The following ZNF878 variants were observed in gnomAD, a reference collection of about 807,000 sequenced individuals.
ZNF878 encodes the protein zinc finger protein 878.
ZNF878 carries 10 observed loss-of-function variants against 11.1 expected under a neutral mutation model. That is an observed-to-expected ratio of 0.90 (90% CI 0.56 to 1.53). The LOEUF (loss-of-function observed/expected upper bound fraction) is 1.53. Ranked by LOEUF, ZNF878 falls within the 40% of genes most tolerant of loss-of-function variation. The pLI, the probability that ZNF878 is intolerant of heterozygous loss-of-function variation, is 0.00. For synonymous variants in ZNF878, 165 were observed against 209.7 expected, an observed-to-expected ratio of 0.79 and a Z score of 1.84; for missense variants, 548 against 626.1, an observed-to-expected ratio of 0.88 and a Z score of 1.33.
intron 1 of ZNF878, among the ~76,000 whole-genome samples, chr19:12,047,250 G>A (rs780560005): frequency 2.0e-5 from 3 of 152,122 alleles, no homozygotes; most frequent in Non-Finnish European, 2.9e-5. Context: ...TTTGGCAAGG[G>A]GCTTTATTAA....
rs371193446 is a variant in ZNF878, at chr19:12,047,568, A to G, written c.4-808T>C. ...GACAGAGCCAGACTCCATCGGTTAA[A>G]AAAAAAAAAAAATTCTAATTGATAA... On this transcript the variant is annotated intron_variant, in intron 1 of 3. Transcript: ENST00000547628. 8.7e-4 allele frequency among the ~76,000 whole-genome samples: 132 copies of G among 151,806 alleles called. 3 individuals carry two copies. In the South Asian group the frequency reaches 0.011, roughly 13 times the overall value.
Position 12,052,923 on chromosome 19 carries a change from A to G in ZNF878, c.-122T>C, listed in dbSNP as rs994426127. ...GTAACTGGTCCCTCTCGGAGCAAGA[A>G]AGCCCCAGACCTTAACTAGCGCGAG... On this transcript the variant is annotated 5_prime_UTR_variant, in exon 1 of 4. Coordinates refer to ENST00000547628, the MANE Select transcript of ZNF878 (RefSeq NM_001080404.3). The G allele has an allele frequency of 2.1e-6, 3 of 1,439,370 alleles. No homozygotes were observed. Among genetic ancestry groups the G allele is most frequent in the Non-Finnish European group, 2.8e-6 (3 of 1,066,138 alleles). The allele number at this position is 1,439,370 out of a possible 1,614,324, so 89.2% of individuals were successfully genotyped here.
At chr19:12,048,503 A>ACGAGACT (rs1975517481) in intron 1 of ZNF878, among the ~76,000 whole-genome samples, 1 of 148,446 alleles carries the variant, frequency 6.7e-6, no homozygotes, top group South Asian at 2.2e-4. Context: ...GGGCGACTGA[A>ACGAGACT]CGAGACTCCA....
Position 12,044,034 on chromosome 19 carries a change from C to CA in ZNF878, c.1366dup (p.Cys456LeufsTer9), listed in dbSNP as rs1191947795. 3.7e-6 allele frequency: 6 copies of CA among 1,613,854 alleles called. No homozygotes were observed. The highest frequency in any genetic ancestry group is 5.1e-6 in the Non-Finnish European group (6 of 1,179,996). ...ATTAGAAGAAATGAAGGCTTTTCCA[C>CA]ATTGCTTACACTCATAGGGTTTCTC... On this transcript the variant is annotated frameshift_variant, in exon 4 of 4. Transcript: ENST00000547628. LOFTEE classifies it low-confidence loss of function (END_TRUNC).
intron 1 of ZNF878, among the ~76,000 whole-genome samples, chr19:12,052,531 C>A (rs1169966270): frequency 1.3e-5 from 2 of 152,190 alleles, no homozygotes; most frequent in African/African-American, 4.8e-5. Flanking sequence ...TGGGGAGACG[C>A]GGGGCTGCGG....
At chr19:12,043,732 GA>G (rs1975417989), downstream of ZNF878, 3 of 1,397,330 alleles carry the variant, frequency 2.1e-6, no homozygotes, top group Admixed American at 8.0e-5. Context: ...TCTCTGCAGT[GA>G]ATCCTTCCGT....
intron 1 of ZNF878, among the ~76,000 whole-genome samples, chr19:12,051,596 A>AC (rs1975552641): frequency 6.9e-6 from 1 of 145,400 alleles, no homozygotes; most frequent in Non-Finnish European, 1.5e-5. Flanking sequence ...ATATCATGAA[A>AC]CCCCGTCTCT....
In ZNF878 at chr19:12,044,133, T is replaced by C. The variant is rs780561350; in HGVS notation, c.1268A>G (p.Tyr423Cys). The change falls in exon 4 of 4, where the codon TAT becomes TGT. Residue 423 changes from tyrosine (Y) to cysteine (C), a missense_variant. Tyr to Cys is a radical substitution (Grantham distance 194). Coordinates refer to ENST00000547628, the MANE Select transcript of ZNF878 (RefSeq NM_001080404.3). ...HIRTHTGEKP[Y>C]GCKQCGKVFR... is the part of the protein sequence containing the mutation. The stretch of plus-strand genomic sequence containing the variant: ...GACTTTACCACATTGCTTACATCCA[T>C]AGGGTTTCTCTCCTGTGTGAGTTCG... 45 of 1,613,714 alleles carry C rather than the reference T, an allele frequency of 2.8e-5. No individual in the cohort carries two copies. Among genetic ancestry groups the C allele is most frequent in the Non-Finnish European group, 3.6e-5 (42 of 1,179,950 alleles).
Position 12,044,342 on chromosome 19 carries a change from A to G in ZNF878, c.1059T>C (p.Asp353=). ...KCVKAFSFVK[D]LRIHERTHTG... The stretch of plus-strand genomic sequence containing the variant: ...TGTGTGTCCTTTCATGTATTCGAAG[A>G]TCCTTGACAAAACTGAAGGCTTTCA... The change falls in exon 4 of 4, where the codon GAT becomes GAC. Residue 353 remains aspartate (D), a synonymous_variant. Coordinates refer to ENST00000547628, the MANE Select transcript of ZNF878 (RefSeq NM_001080404.3). 6.2e-7 allele frequency: 1 copy of G among 1,611,778 alleles called. No individual in the cohort carries two copies. Among genetic ancestry groups the G allele is most frequent in the South Asian group, 1.1e-5 (1 of 90,996 alleles).
downstream of ZNF878, chr19:12,043,779 C>T: frequency 1.3e-6 from 2 of 1,554,076 alleles, no homozygotes; most frequent in Admixed American, 2.0e-5. Context: ...AAGGACTTTA[C>T]CATATTGCTT....
In ZNF878 at chr19:12,045,147, G is replaced by A; in HGVS notation, c.254C>T (p.Thr85Ile). 1 of 1,612,860 alleles carries A rather than the reference G, an allele frequency of 6.2e-7. No homozygotes were observed. Among genetic ancestry groups the A allele is most frequent in the Non-Finnish European group, 8.5e-7 (1 of 1,179,372 alleles). ...CTTCAGTGTGTCATCTGGAACCTGT[G>A]TCAAAACTTCTCCATGCTGATGACT... ...KESHQHGEVL[T>I]QVPDDTLKKK... Residue 85 changes from threonine (T) to isoleucine (I), a missense_variant, in exon 4 of 4, where the codon ACA (threonine) becomes ATA (isoleucine). Thr to Ile is a moderately conservative substitution (Grantham distance 89). Transcript: ENST00000547628.
At position 12,052,808 on chromosome 19, in the gene ZNF878, G is replaced by C; in HGVS notation, c.-7C>G. On this transcript the variant is annotated 5_prime_UTR_variant, in exon 1 of 4. Coordinates refer to ENST00000547628, the MANE Select transcript of ZNF878 (RefSeq NM_001080404.3). ...AGCACCGCATGCTCACCATTTCCTG[G>C]CTTCCAGGTATTCTGGCGTCCTCTC... The C allele has an allele frequency of 6.5e-7, 1 of 1,535,962 alleles. No individual in the cohort carries two copies. The highest frequency in any genetic ancestry group is 1.7e-4 in the Middle Eastern group (1 of 5,984).
intron 1 of ZNF878, among the ~76,000 whole-genome samples, chr19:12,051,673 G>T (rs968496775): frequency 2.6e-5 from 4 of 152,192 alleles, no homozygotes; most frequent in African/African-American, 7.2e-5. Context: ...TTGGGAGGCC[G>T]AAGTGGGCGG....
In ZNF878 at chr19:12,044,448, TTACCACA is replaced by T. The variant is rs751497019; in HGVS notation, c.946_952del (p.Cys316ArgfsTer28). 9.3e-6 allele frequency: 15 copies of T among 1,613,918 alleles called. No homozygotes were observed. In the East Asian group the frequency reaches 3.3e-4, roughly 36 times the overall value. On this transcript the variant is annotated frameshift_variant, in exon 4 of 4. Coordinates refer to ENST00000547628, the MANE Select transcript of ZNF878 (RefSeq NM_001080404.3). LOFTEE classifies it low-confidence loss of function (END_TRUNC). ...AAAGGAAGTGGAAGAAATAAATCCCTTACCACATAGCTTACACTCATAGGGTTTCTCT... is the reference window on the plus strand; with the variant it reads ...AAAGGAAGTGGAAGAAATAAATCCCTTAGCTTACACTCATAGGGTTTCTCT...
Position 12,046,771 on chromosome 19 carries a change from C to T in ZNF878, c.4-11G>A, listed in dbSNP as rs1423666017. On this transcript the variant is annotated splice_polypyrimidine_tract_variant and intron_variant, in intron 1 of 3. Coordinates refer to ENST00000547628, the MANE Select transcript of ZNF878 (RefSeq NM_001080404.3). The stretch of plus-strand genomic sequence containing the variant: ...AAAGGCCACCGAATCCTGAAATATC[C>T]CACATGTGGACAGGAGGATGAGTGA... 4 of 1,613,504 alleles carry T rather than the reference C, an allele frequency of 2.5e-6. No homozygotes were observed. Among genetic ancestry groups the T allele is most frequent in the Admixed American group, 3.3e-5 (2 of 59,976 alleles).
chr19:12,050,372 C>T (rs1008327185), intron 1 of ZNF878, among the ~76,000 whole-genome samples: 4 of 152,082 alleles, frequency 2.6e-5, no homozygotes, highest in Admixed American at 6.6e-5. Context: ...TCACTAATGA[C>T]TAATTTATAG....
At chr19:12,045,687 A>G (rs976331904) in intron 3 of ZNF878, among the ~76,000 whole-genome samples, 4 of 152,184 alleles carry the variant, frequency 2.6e-5, no homozygotes, top group African/African-American at 7.2e-5. Flanking sequence ...TCTCTTATCA[A>G]AAAAGATAAT....
In ZNF878 at chr19:12,044,650, C is replaced by A; in HGVS notation, c.751G>T (p.Gly251Ter). ...TGCTTGCATTTATAGCGTTTCTCTCCAGTGTGACTTTTCTCGTGTCTTTTT... is the reference window on the plus strand; with the variant it reads ...TGCTTGCATTTATAGCGTTTCTCTCAAGTGTGACTTTTCTCGTGTCTTTTT... Reference protein sequence around the residue: ...SLKRHEKSHTGEKRYKCKQCD... With the variant: ...SLKRHEKSHT The change falls in exon 4 of 4, where the codon GGA (glycine) becomes TGA (stop). Residue 251 changes from glycine to a stop codon, truncating the protein, a stop_gained. Transcript: ENST00000547628. LOFTEE classifies it low-confidence loss of function (END_TRUNC). 4 of 1,614,082 alleles carry A rather than the reference C, an allele frequency of 2.5e-6. No individual in the cohort carries two copies. Among genetic ancestry groups the A allele is most frequent in the South Asian group, 2.2e-5 (2 of 91,064 alleles).
Position 12,043,814 on chromosome 19 carries a change from G to A in ZNF878, c.1587C>T (p.His529=), listed in dbSNP as rs189583607. The A allele has an allele frequency of 2.9e-4, 471 of 1,599,528 alleles. 3 individuals are homozygous for A. The highest frequency in any genetic ancestry group is 2.0e-3 in the East Asian group (88 of 44,804). ...ASILQKHVRT[H]AG ...TACATCCATAGAGTTTCTAGCCAGC[G>A]TGAGTCCTTACATGCTTTTGAAGGA... Residue 529 remains histidine, a synonymous_variant, in exon 4 of 4, where the codon CAC becomes CAT. Transcript: ENST00000547628.
Sources: allele counts gnomAD v4.1 joint callset (sites outside exome capture counted in the v4.1 genomes callset), GRCh38; gene constraint gnomAD v4.1.1; transcripts MANE v1.5; gene names NCBI Gene and HGNC (gene_info 2026-07-23, HGNC 2026-07-21).